ZNF544: variants seen among roughly 807,000 people sequenced by gnomAD.
ZNF544 encodes the protein zinc finger protein AF020591.
A neutral mutation model predicts 13.5 loss-of-function variants in ZNF544; 10 were observed. That is an observed-to-expected ratio of 0.74 (90% CI 0.46 to 1.25). The LOEUF (loss-of-function observed/expected upper bound fraction) is 1.25, where lower values mean the gene tolerates loss of function less well. ZNF544 is among the 50% of genes most tolerant of loss of function. ZNF544 has a pLI of 0.00. For missense variants in ZNF544, 896 were observed against 845.6 expected (o/e 1.06, Z -0.74); for synonymous variants, 323 against 300.5 (o/e 1.07, Z -0.77).
intron 5 of ZNF544, among the ~76,000 whole-genome samples, chr19:58,271,555 T>C (rs1333612820): frequency 2.0e-5 from 3 of 152,034 alleles, no homozygotes; most frequent in African/African-American, 4.8e-5. Context: ...TTAGCTGTTA[T>C]TATATCACTG....
intron 3 of ZNF544, among the ~76,000 whole-genome samples, chr19:58,232,607 C>T (rs768295772): frequency 6.6e-6 from 1 of 151,660 alleles, no homozygotes; most frequent in East Asian, 1.9e-4. Flanking sequence ...CTGCTTTGAC[C>T]TCTGTATTAG....
chr19:58,275,700 C>CCA (rs1169901454), intron 5 of ZNF544, among the ~76,000 whole-genome samples: 1 of 148,644 alleles, frequency 6.7e-6, no homozygotes, highest in Non-Finnish European at 1.5e-5. Context: ...TGGGAGAATC[C>CCA]CTTGAGCCCA....
At position 58,261,760 on chromosome 19, in the gene ZNF544, G is replaced by T; in HGVS notation, c.1154G>T (p.Cys385Phe). The T allele has an allele frequency of 2.5e-6, 4 of 1,614,224 alleles. No homozygotes were observed. Among genetic ancestry groups the T allele is most frequent in the South Asian group, 2.2e-5 (2 of 91,084 alleles). ...GAAAAGCCCTTCGAATGTACTCAGT[G>T]TGGGAAATCTTTTAGCCAGAGCTAT... ...TGEKPFECTQCGKSFSQSYDL... is the reference protein window; with the variant it reads ...TGEKPFECTQFGKSFSQSYDL... The change falls in exon 7 of 7, where the codon TGT (cysteine) becomes TTT (phenylalanine). Residue 385 changes from cysteine (C) to phenylalanine (F), a missense_variant. By Grantham distance (205) the Cys-to-Phe change is radical. Coordinates refer to ENST00000687789, the MANE Select transcript of ZNF544 (RefSeq NM_014480.4).
chr19:58,249,841 T>C (rs1407923296), intron 6 of ZNF544, among the ~76,000 whole-genome samples: 1 of 152,206 alleles, frequency 6.6e-6, no homozygotes, highest in African/African-American at 2.4e-5. Flanking sequence ...TTTTTTACTT[T>C]GGGCAATGTC....
downstream of ZNF544, among the ~76,000 whole-genome samples, chr19:58,264,311 G>C (rs1488538755): frequency 1.3e-5 from 2 of 150,506 alleles, no homozygotes; most frequent in Non-Finnish European, 3.0e-5. Flanking sequence ...CTTGACCTGG[G>C]AGGCAGAGGT....
Position 58,246,781 on chromosome 19 carries a change from G to C in ZNF544, c.231G>C (p.Gln77His). ...AAGAGGACCTGTGCAGGGCAGAGCA[G>C]GAGGCCCCCCGAGGTAAGAGCAGAC... is the stretch of plus-strand genomic sequence containing the variant. ...EQEEDLCRAE[Q>H]EAPRDWKATL... Residue 77 changes from glutamine (Q) to histidine (H), a missense_variant, in exon 6 of 7, where the codon CAG becomes CAC. Gln to His is a conservative substitution (Grantham distance 24, BLOSUM62 0). Transcript: ENST00000687789. 2 of 1,614,038 alleles carry C rather than the reference G, an allele frequency of 1.2e-6. No individual in the cohort carries two copies. The highest frequency in any genetic ancestry group is 1.7e-6 in the Non-Finnish European group (2 of 1,179,928).
At chr19:58,273,188 AAAAAG>A (rs1290195696) in intron 5 of ZNF544, among the ~76,000 whole-genome samples, 2 of 152,092 alleles carry the variant, frequency 1.3e-5, no homozygotes, top group East Asian at 3.9e-4. Context: ...TCTCAAAAAA[AAAAAG>A]AAGAAAGAAA....
At position 58,262,151 on chromosome 19, in the gene ZNF544, T is replaced by C. The variant is rs1600398762; in HGVS notation, c.1545T>C (p.Thr515=). The C allele has an allele frequency of 6.2e-7, 1 of 1,613,720 alleles. No homozygotes were observed. The highest frequency in any genetic ancestry group is 8.5e-7 in the Non-Finnish European group (1 of 1,179,980). Residue 515 remains threonine, a synonymous_variant, in exon 7 of 7, where the codon ACT becomes ACC. Transcript: ENST00000687789. The part of the protein sequence containing the change: ...YDLVVHQRTH[T]GEKPYECNLC... ...TTGTTGTACATCAGAGGACACACAC[T>C]GGAGAGAAGCCCTATGAGTGCAACC...
At chr19:58,259,026 C>G (rs914778019) in intron 6 of ZNF544, 1 of 152,172 alleles carries the variant, frequency 6.6e-6, no homozygotes, top group African/African-American at 2.4e-5. Context: ...GTGCCAGACA[C>G]TGTGTGAGGC....
intron 3 of ZNF544, among the ~76,000 whole-genome samples, chr19:58,231,581 T>C (rs2041233546): frequency 6.6e-6 from 1 of 152,146 alleles, no homozygotes; most frequent in Non-Finnish European, 1.5e-5. Context: ...ATTTATTTTT[T>C]TATAAATGGG....
At chr19:58,236,654 C>T (rs1303317910) in intron 3 of ZNF544, among the ~76,000 whole-genome samples, 1 of 151,820 alleles carries the variant, frequency 6.6e-6, no homozygotes, top group Non-Finnish European at 1.5e-5. Flanking sequence ...ACAAGCCAGA[C>T]ATTGACATCG....
At chr19:58,266,916 A>G (rs2049990807), downstream of ZNF544, 1 of 152,194 alleles carries the variant, frequency 6.6e-6, no homozygotes, top group African/African-American at 2.4e-5. Flanking sequence ...GCGTACTGTT[A>G]AAGCAGCCCC....
intron 2 of ZNF544, 50 bp downstream of exon 2, chr19:58,229,620 C>CTTCT (rs2040763143): frequency 6.6e-6 from 1 of 152,210 alleles, no homozygotes; most frequent in Non-Finnish European, 1.5e-5. Flanking sequence ...TCCAAGTGAA[C>CTTCT]AGAAGATTAA....
intron 6 of ZNF544, chr19:58,259,420 G>A (rs2048401120): frequency 6.6e-6 from 1 of 152,196 alleles, no homozygotes; most frequent in Admixed American, 6.5e-5. Context: ...GCTTCCTGTG[G>A]CTGCTGTAAA....
intron 5 of ZNF544, among the ~76,000 whole-genome samples, chr19:58,275,061 G>T (rs1367811895): frequency 6.6e-6 from 1 of 151,850 alleles, no homozygotes; most frequent in East Asian, 1.9e-4. Flanking sequence ...GGTAACTGGG[G>T]TGGGGCAGGG....
chr19:58,270,662 CGTAGG>C (rs1274170265), intron 5 of ZNF544, among the ~76,000 whole-genome samples: 4 of 152,028 alleles, frequency 2.6e-5, no homozygotes, highest in Non-Finnish European at 5.9e-5. Flanking sequence ...TCATAGTGGC[CGTAGG>C]GTAGGGCACT....
At chr19:58,246,193 C>T (rs1367373385) in intron 4 of ZNF544, 108 bp from the exon 5 acceptor site, 17 of 1,465,094 alleles carry the variant, frequency 1.2e-5, no homozygotes, top group African/African-American at 1.4e-5. Context: ...TATTAGGTTC[C>T]AATGTATGAA....
In ZNF544 at chr19:58,262,739, T is replaced by C; in HGVS notation, c.2133T>C (p.Thr711=). ...SQLVVHRRTH[T]GEKP ...TTGTAGTGCATCGGCGGACACATAC[T>C]GGAGAGAAACCTTAGGAGTGCAGTC... Residue 711 remains threonine (T), a synonymous_variant, in exon 7 of 7, where the codon ACT becomes ACC. Coordinates refer to ENST00000687789, the MANE Select transcript of ZNF544 (RefSeq NM_014480.4). 1.2e-6 allele frequency: 2 copies of C among 1,601,014 alleles called. No homozygotes were observed. The highest frequency in any genetic ancestry group is 1.7e-6 in the Non-Finnish European group (2 of 1,172,014).
chr19:58,244,163 G>C (rs901747807), intron 4 of ZNF544, 107 bp downstream of exon 4: 1 of 871,204 alleles, frequency 1.1e-6, no homozygotes, highest in Non-Finnish European at 1.7e-6. Flanking sequence ...GCTCCGCAGT[G>C]CTGGCCAGTG....
Sources: gnomAD v4.1 joint callset for allele counts (sites outside exome capture counted in the v4.1 genomes callset) on GRCh38, gnomAD v4.1.1 for gene constraint, MANE v1.5 for transcripts, NCBI Gene and HGNC (gene_info 2026-07-23, HGNC 2026-07-21) for gene names.